FRMPD1: variants seen among roughly 807,000 people sequenced by gnomAD.
The protein encoded by FRMPD1 is FERM and PDZ domain containing 1, also known as FERM and PDZ domain-containing protein 1.
Under a neutral mutation model 117.8 loss-of-function variants are expected in FRMPD1, and 76 were observed. The observed-to-expected ratio is 0.65, with a 90% CI of 0.54 to 0.78. The LOEUF is 0.78. Among genes scored for constraint, FRMPD1 ranks in the 30% least tolerant of loss-of-function variants. The probability of loss-of-function intolerance (pLI) is 0.00; values close to 1 mark genes in which losing one functional copy is unlikely to be tolerated. For synonymous variants in FRMPD1, 783 were observed against 770.4 expected, an observed-to-expected ratio of 1.02 and a Z score of -0.27; for missense variants, 1,786 against 1,964.5, an observed-to-expected ratio of 0.91 and a Z score of 1.72.
the FRMPD1 span, among the ~76,000 whole-genome samples, chr9:37,643,616 T>C: frequency 6.6e-6 from 1 of 152,212 alleles, no homozygotes; most frequent in Non-Finnish European, 1.5e-5. Flanking sequence ...TTTTCTTCTA[T>C]TAAATTGATC....
At chr9:37,672,747 G>A (rs1185859496) in intron 1 of FRMPD1, among the ~76,000 whole-genome samples, 1 of 152,132 alleles carries the variant, frequency 6.6e-6, no homozygotes, top group Non-Finnish European at 1.5e-5. Flanking sequence ...GGCTGGGGAG[G>A]CCTCAGAATC....
rs61705193 is a variant in FRMPD1, at chr9:37,717,381, ATTTTT to A, written c.409-1676_409-1672del. Among the ~76,000 whole-genome samples the A allele has an allele frequency of 8.6e-4, 98 of 114,346 alleles. 1 individual carries two copies. Among genetic ancestry groups the A allele is most frequent in the South Asian group, 3.9e-3 (14 of 3,590 alleles). The allele number at this position is 114,346 out of a possible 152,430, so 75.0% of individuals were successfully genotyped here. ...TGTGTGTGTGTGTGTATATATATATATTTTTTTTTTTTTTTTGAGATGTAGTCTTC... is the reference window on the plus strand; with the variant it reads ...TGTGTGTGTGTGTGTATATATATATATTTTTTTTTTTGAGATGTAGTCTTC... On this transcript the variant is annotated intron_variant, in intron 5 of 15. Coordinates refer to ENST00000377765, the MANE Select transcript of FRMPD1 (RefSeq NM_014907.3).
rs35075933 is a variant in FRMPD1 at position 37,745,307 on chromosome 9, G to A, written c.3275G>A (p.Gly1092Glu). The change falls in exon 16 of 16, where the codon GGA becomes GAA. Residue 1092 changes from glycine (G) to glutamate (E), a missense_variant. Gly to Glu is a moderately conservative substitution (Grantham distance 98, BLOSUM62 -2). Transcript: ENST00000377765. ...PRSDECGINP[G>E]EKIASIPTKE... ...AGTGATGAATGTGGAATAAATCCAG[G>A]AGAGAAGATAGCTTCTATCCCTACA... 5,749 of 1,611,420 alleles carry A rather than the reference G, an allele frequency of 3.6e-3. 179 individuals carry two copies. The African/African-American group carries it at 0.065, about 18-fold the overall frequency.
At chr9:37,692,238 T>A (rs895267939) in intron 1 of FRMPD1, among the ~76,000 whole-genome samples, 1 of 152,208 alleles carries the variant, frequency 6.6e-6, no homozygotes, top group Non-Finnish European at 1.5e-5. Context: ...TGCTTCCATG[T>A]CCATGGGGTT....
intron 4 of FRMPD1, among the ~76,000 whole-genome samples, chr9:37,708,820 C>T (rs1237737607): frequency 2.0e-5 from 3 of 152,210 alleles, no homozygotes; most frequent in Non-Finnish European, 2.9e-5. Context: ...CAGGCCCTAC[C>T]CTCTAAGGAT....
At position 37,736,108 on chromosome 9, in the gene FRMPD1, C is replaced by A. The variant is rs556350223; in HGVS notation, c.1401+374C>A. Among the ~76,000 whole-genome samples the A allele has an allele frequency of 2.6e-5, 4 of 151,484 alleles. No individual in the cohort carries two copies. The South Asian group carries it at 8.3e-4, about 32-fold the overall frequency. On this transcript the variant is annotated intron_variant, in intron 13 of 15. Coordinates refer to ENST00000377765, the MANE Select transcript of FRMPD1 (RefSeq NM_014907.3). ...CTCCGCCTCGTGGGTTCACACCATT[C>A]TTCTGCCTCAGCCTCCCAAGTAGCT...
chr9:37,620,404 T>C, the FRMPD1 span, among the ~76,000 whole-genome samples: 1 of 152,122 alleles, frequency 6.6e-6, no homozygotes, highest in Non-Finnish European at 1.5e-5. Context: ...ATAAATACCA[T>C]ATTCTTCACA....
intron 1 of FRMPD1, among the ~76,000 whole-genome samples, chr9:37,674,062 A>T (rs1336391798): frequency 6.6e-6 from 1 of 152,194 alleles, no homozygotes; most frequent in Non-Finnish European, 1.5e-5. Flanking sequence ...TCTCCCAGAA[A>T]ATGGGTTTTT....
At chr9:37,628,082 G>T in the FRMPD1 span, among the ~76,000 whole-genome samples, 31 of 152,188 alleles carry the variant, frequency 2.0e-4, no homozygotes, top group Non-Finnish European at 3.8e-4. Flanking sequence ...TACTAGTGAG[G>T]CATGCTGTTT....
chr9:37,745,610 G>T lies in FRMPD1; in HGVS notation c.3578G>T (p.Cys1193Phe), dbSNP rs756436716. The part of the protein sequence containing the change: ...GQSREPPGQG[C>F]QAQEQKLFVE... Reference sequence around the variant, plus strand: ...AGCAGAGAACCCCCAGGGCAAGGCTGCCAGGCTCAAGAACAAAAACTATTC... The same window carrying T: ...AGCAGAGAACCCCCAGGGCAAGGCTTCCAGGCTCAAGAACAAAAACTATTC... The change falls in exon 16 of 16, where the codon TGC (cysteine) becomes TTC (phenylalanine). Residue 1193 changes from cysteine (C) to phenylalanine (F), a missense_variant. Coordinates refer to ENST00000377765, the MANE Select transcript of FRMPD1 (RefSeq NM_014907.3). 2.5e-6 allele frequency: 4 copies of T among 1,614,048 alleles called. No individual in the cohort carries two copies. The highest frequency in any genetic ancestry group is 2.2e-5 in the East Asian group (1 of 44,898).
rs542744968 is a variant in FRMPD1, at chr9:37,702,176, C to G, written c.102-5240C>G. ...CTTATATTCAAATTGCTGTTCATTACTGGTTGTATATGCCTTTTCACTTTT... is the reference window on the plus strand; with the variant it reads ...CTTATATTCAAATTGCTGTTCATTAGTGGTTGTATATGCCTTTTCACTTTT... On this transcript the variant is annotated intron_variant, in intron 2 of 15. Transcript: ENST00000377765. 2.0e-5 allele frequency among the ~76,000 whole-genome samples: 3 copies of G among 152,298 alleles called. No homozygotes were observed. In the South Asian group the frequency reaches 6.2e-4, roughly 32 times the overall value.
Position 37,727,629 on chromosome 9 carries a change from G to A in FRMPD1, c.613-2099G>A, listed in dbSNP as rs575053144. ...TCCATTGGGGCCAGCACAATGCCAG[G>A]CACACAGGCAGCACTCAGTTAATGG... On this transcript the variant is annotated intron_variant, in intron 7 of 15. Transcript: ENST00000377765. 2.6e-5 allele frequency among the ~76,000 whole-genome samples: 4 copies of A among 152,240 alleles called. No homozygotes were observed. In the East Asian group the frequency reaches 7.7e-4, roughly 29 times the overall value.
chr9:37,700,464 T>C (rs1481737367), intron 2 of FRMPD1, among the ~76,000 whole-genome samples: 2 of 152,328 alleles, frequency 1.3e-5, no homozygotes, highest in East Asian at 3.9e-4. Flanking sequence ...AAGCTGAACA[T>C]AATAAAGTGT....
chr9:37,699,660 AG>A (rs1380914531), intron 2 of FRMPD1, among the ~76,000 whole-genome samples: 1 of 152,182 alleles, frequency 6.6e-6, no homozygotes. Context: ...TAGAAATGTT[AG>A]TTTTATAGAG....
the FRMPD1 span, among the ~76,000 whole-genome samples, chr9:37,609,984 G>T: frequency 6.6e-6 from 1 of 152,172 alleles, no homozygotes; most frequent in Non-Finnish European, 1.5e-5. Context: ...TTCCCAGAAA[G>T]CCCTGCCCTG....
At chr9:37,725,060 C>T (rs988989202) in intron 7 of FRMPD1, among the ~76,000 whole-genome samples, 18 of 152,138 alleles carry the variant, frequency 1.2e-4, no homozygotes, top group South Asian at 6.2e-4. Context: ...CAGAGAGTCA[C>T]GTGAACTAAT....
At position 37,744,576 on chromosome 9, in the gene FRMPD1, T is replaced by C. The variant is rs1824588678; in HGVS notation, c.2544T>C (p.Ser848=). ...RRSFLQTDYT[S]QVSFPLVPSA... ...CTTTCCTACAGACCGACTACACCTC[T>C]CAGGTCTCATTTCCCCTGGTGCCAT... Residue 848 remains serine (S), a synonymous_variant, in exon 16 of 16, where the codon TCT becomes TCC. Transcript: ENST00000377765. 3 of 1,614,122 alleles carry C rather than the reference T, an allele frequency of 1.9e-6. No homozygotes were observed. The highest frequency in any genetic ancestry group is 2.5e-6 in the Non-Finnish European group (3 of 1,179,980).
At chr9:37,639,210 C>T in the FRMPD1 span, among the ~76,000 whole-genome samples, 1 of 152,202 alleles carries the variant, frequency 6.6e-6, no homozygotes, top group Non-Finnish European at 1.5e-5. Flanking sequence ...GACACATTTC[C>T]TGTTCCATGT....
intron 1 of FRMPD1, among the ~76,000 whole-genome samples, chr9:37,665,521 G>A (rs1318551702): frequency 6.6e-6 from 1 of 152,158 alleles, no homozygotes; most frequent in Non-Finnish European, 1.5e-5. Flanking sequence ...AAAGCTTTGG[G>A]GGAAGGAAAT....
Sources: allele counts gnomAD v4.1 joint callset (sites outside exome capture counted in the v4.1 genomes callset), GRCh38; gene constraint gnomAD v4.1.1; transcripts MANE v1.5; gene names NCBI Gene and HGNC (gene_info 2026-07-23, HGNC 2026-07-21).